PCDH9: variants seen among roughly 807,000 people sequenced by gnomAD.
The protein encoded by PCDH9 is protocadherin-9.
PCDH9 carries 24 observed loss-of-function variants against 70.6 expected under a neutral mutation model. That is an observed-to-expected ratio of 0.34 (90% CI 0.25 to 0.48). The LOEUF (loss-of-function observed/expected upper bound fraction) is 0.48, where lower values mean the gene tolerates loss of function less well. Ranked by LOEUF, PCDH9 falls within the 20% of genes least tolerant of loss-of-function variation. The pLI is 0.99. For synonymous variants in PCDH9, 562 were observed against 558.5 expected (o/e 1.01, Z -0.09); for missense variants, 1,281 against 1,503.6 (o/e 0.85, Z 2.45).
chr13:66,792,908 T>G (rs535605129), intron 3 of PCDH9, among the ~76,000 whole-genome samples: 1 of 150,958 alleles, frequency 6.6e-6, no homozygotes, highest in Non-Finnish European at 1.5e-5. Context: ...AGTGTATTGA[T>G]AGTGAAAATG....
intron 4 of PCDH9, among the ~76,000 whole-genome samples, chr13:66,321,487 G>A (rs562626243): frequency 6.6e-6 from 1 of 151,774 alleles, no homozygotes; most frequent in Non-Finnish European, 1.5e-5. Flanking sequence ...TACATTTTTC[G>A]GTTGATGGTC....
At chr13:66,593,040 C>A (rs911911938) in intron 4 of PCDH9, among the ~76,000 whole-genome samples, 9 of 151,654 alleles carry the variant, frequency 5.9e-5, no homozygotes, top group Non-Finnish European at 1.2e-4. Context: ...AGGAAAGATA[C>A]AATCTGAAGA....
At chr13:67,154,589 A>T (rs1240229184) in intron 2 of PCDH9, among the ~76,000 whole-genome samples, 104 of 91,304 alleles carry the variant, frequency 1.1e-3, no homozygotes, top group African/African-American at 4.0e-3. Context: ...AAAAAAAAAA[A>T]AAAAAAATAT....
intron 2 of PCDH9, chr13:67,203,702 A>C (rs980406031): frequency 2.0e-5 from 3 of 152,158 alleles, no homozygotes; most frequent in African/African-American, 7.2e-5. Flanking sequence ...TAGATATGAG[A>C]AAATCACATT....
intron 2 of PCDH9, chr13:67,201,152 T>A (rs1241436448): frequency 6.6e-6 from 1 of 152,070 alleles, no homozygotes; most frequent in East Asian, 1.9e-4. Flanking sequence ...AAGTACAGAC[T>A]TTTGAAGCCA....
At chr13:67,191,172 T>TATAGGCTA (rs1299921841) in intron 2 of PCDH9, among the ~76,000 whole-genome samples, 1 of 152,160 alleles carries the variant, frequency 6.6e-6, no homozygotes, top group Non-Finnish European at 1.5e-5. Context: ...TAAGTTTTAC[T>TATAGGCTA]ATAGGCTAAA....
At chr13:66,533,272 A>G (rs1368695733) in intron 4 of PCDH9, among the ~76,000 whole-genome samples, 2 of 152,132 alleles carry the variant, frequency 1.3e-5, no homozygotes, top group African/African-American at 4.8e-5. Flanking sequence ...CCATTCATAC[A>G]TTGTACTAAT....
At chr13:66,934,035 A>G (rs1013476822) in intron 2 of PCDH9, among the ~76,000 whole-genome samples, 1 of 152,136 alleles carries the variant, frequency 6.6e-6, no homozygotes. Context: ...AATACAAATC[A>G]TGCTGACAAA....
chr13:66,727,747 G>A (rs1333252809), intron 3 of PCDH9, among the ~76,000 whole-genome samples: 1 of 152,018 alleles, frequency 6.6e-6, no homozygotes, highest in East Asian at 1.9e-4. Flanking sequence ...CAAAAATGAT[G>A]TTTGATATTG....
intron 2 of PCDH9, among the ~76,000 whole-genome samples, chr13:67,003,826 A>G (rs1351931725): frequency 6.6e-6 from 1 of 152,210 alleles, no homozygotes; most frequent in Admixed American, 6.5e-5. Context: ...TCGTTATTAG[A>G]GATAGCACAG....
chr13:67,221,348 G>T (rs1249505186), intron 2 of PCDH9: 1 of 151,952 alleles, frequency 6.6e-6, no homozygotes, highest in Non-Finnish European at 1.5e-5. Flanking sequence ...AAAATGAAAA[G>T]TAATCATAAA....
intron 2 of PCDH9, among the ~76,000 whole-genome samples, chr13:67,022,552 G>T (rs1460572128): frequency 2.0e-5 from 3 of 152,118 alleles, no homozygotes; most frequent in Admixed American, 2.0e-4. Flanking sequence ...TTTTAGCCAG[G>T]AACTATTCAA....
At chr13:66,497,376 A>G (rs1021489808) in intron 4 of PCDH9, among the ~76,000 whole-genome samples, 1 of 152,122 alleles carries the variant, frequency 6.6e-6, no homozygotes, top group Admixed American at 6.6e-5. Flanking sequence ...GACTCATATC[A>G]AGAATTGAGT....
At chr13:66,436,481 T>C (rs767408248) in intron 4 of PCDH9, among the ~76,000 whole-genome samples, 21 of 152,184 alleles carry the variant, frequency 1.4e-4, no homozygotes, top group Non-Finnish European at 2.5e-4. Flanking sequence ...AAAATCTTTG[T>C]AGGGTTGGAG....
At chr13:66,569,810 T>C (rs970912577) in intron 4 of PCDH9, among the ~76,000 whole-genome samples, 2 of 152,184 alleles carry the variant, frequency 1.3e-5, no homozygotes. Context: ...TCATCTGTTG[T>C]ATTGGGAATA....
At chr13:67,187,858 G>C (rs547521657) in intron 2 of PCDH9, among the ~76,000 whole-genome samples, 1 of 152,014 alleles carries the variant, frequency 6.6e-6, no homozygotes, top group South Asian at 2.1e-4. Context: ...CGATCCAATG[G>C]GGTAATTGAG....
At chr13:66,363,595 A>ACCC (rs1447786625) in intron 4 of PCDH9, among the ~76,000 whole-genome samples, 1 of 152,216 alleles carries the variant, frequency 6.6e-6, no homozygotes, top group Non-Finnish European at 1.5e-5. Flanking sequence ...TTACAAGTCC[A>ACCC]TCATTTTTGC....
intron 4 of PCDH9, among the ~76,000 whole-genome samples, chr13:66,336,300 C>T (rs1013802049): frequency 6.6e-6 from 1 of 151,634 alleles, no homozygotes; most frequent in Non-Finnish European, 1.5e-5. Flanking sequence ...GTACTGTACC[C>T]GCTGAGAATA....
intron 2 of PCDH9, among the ~76,000 whole-genome samples, chr13:67,057,928 C>T (rs2085455405): frequency 6.6e-6 from 1 of 151,780 alleles, no homozygotes; most frequent in African/African-American, 2.4e-5. Flanking sequence ...ATAGTGTTCT[C>T]TGAAACTCTG....
Sources: allele counts gnomAD v4.1 joint callset (sites outside exome capture counted in the v4.1 genomes callset), GRCh38; gene constraint gnomAD v4.1.1; transcripts MANE v1.5; gene names NCBI Gene and HGNC (gene_info 2026-07-23, HGNC 2026-07-21).